Variants in PUS10 observed in about 807,000 individuals in gnomAD.
PUS10 encodes the protein tRNA pseudouridine synthase Pus10.
PUS10 carries 59 observed loss-of-function variants against 75.0 expected under a neutral mutation model. That is an observed-to-expected ratio of 0.79 (90% confidence interval 0.64 to 0.98). The LOEUF (loss-of-function observed/expected upper bound fraction) is 0.98, where lower values mean the gene tolerates loss of function less well. Ranked by LOEUF, PUS10 falls within the 50% of genes least tolerant of loss-of-function variation. The probability of loss-of-function intolerance (pLI) is 0.00; values close to 1 mark genes in which losing one functional copy is unlikely to be tolerated. For synonymous variants in PUS10, 219 were observed against 211.6 expected, an observed-to-expected ratio of 1.03 and a Z score of -0.30; for missense variants, 650 against 614.4, an observed-to-expected ratio of 1.06 and a Z score of -0.61.
At chr2:61,003,588 AG>A (rs1299973010) in intron 4 of PUS10, among the ~76,000 whole-genome samples, 1 of 150,064 alleles carries the variant, frequency 6.7e-6, no homozygotes, top group African/African-American at 2.5e-5. Flanking sequence ...CCTGTCACCC[AG>A]GCTAGAGTAC....
intron 16 of PUS10, among the ~76,000 whole-genome samples, chr2:60,947,681 T>C (rs917647542): frequency 1.8e-4 from 27 of 151,194 alleles, no homozygotes; most frequent in Admixed American, 1.8e-3. Context: ...TACAAAAAAT[T>C]AGTCAGGCGT....
At chr2:60,985,555 C>A (rs895211360) in intron 4 of PUS10, among the ~76,000 whole-genome samples, 2 of 151,954 alleles carry the variant, frequency 1.3e-5, no homozygotes, top group African/African-American at 4.8e-5. Flanking sequence ...AGCTGGAGTG[C>A]AGTGGCATGA....
At chr2:61,009,186 G>A (rs1177006380) in intron 2 of PUS10, among the ~76,000 whole-genome samples, 171 bp from the exon 3 acceptor site, 2 of 152,088 alleles carry the variant, frequency 1.3e-5, no homozygotes, top group South Asian at 4.1e-4. Context: ...TGGCTTTTAT[G>A]GAATTTAAAA....
At chr2:60,980,522 G>A (rs1316142515) in intron 4 of PUS10, among the ~76,000 whole-genome samples, 2 of 152,140 alleles carry the variant, frequency 1.3e-5, no homozygotes, top group Non-Finnish European at 2.9e-5. Flanking sequence ...CTGTGGCTAC[G>A]GAACTCTGTG....
chr2:60,962,396 AC>A (rs1296989241), intron 9 of PUS10, among the ~76,000 whole-genome samples: 26 of 152,180 alleles, frequency 1.7e-4, no homozygotes, highest in African/African-American at 6.3e-4. Flanking sequence ...ACGTGGCGAA[AC>A]CCTGTCTCTA....
Position 61,011,748 on chromosome 2 carries a change from AAAAG to A in PUS10, c.126+13_126+16del. The A allele has an allele frequency of 3.3e-6, 5 of 1,504,462 alleles. No homozygotes were observed. Among genetic ancestry groups the A allele is most frequent in the Middle Eastern group, 1.7e-4 (1 of 5,718 alleles). The allele number at this position is 1,504,462 out of a possible 1,614,324, so 93.2% of individuals were successfully genotyped here. A position where few individuals can be genotyped will look rare whatever the true frequency, so the allele number is the denominator to read the frequency against. On this transcript the variant is annotated intron_variant, in intron 2 of 17. Transcript: ENST00000316752. ...CTTCTCTTAATTTGAAAAAAAAAAA[AAAAG>A]AAAAGAAAATACCTTGTATGGAAGT...
At chr2:60,990,606 A>T (rs189471180) in intron 4 of PUS10, among the ~76,000 whole-genome samples, 1 of 152,322 alleles carries the variant, frequency 6.6e-6, no homozygotes, top group East Asian at 1.9e-4. Flanking sequence ...AGGTAATTGC[A>T]ATCCCTGTGG....
chr2:61,009,247 C>T (rs1215989168), intron 2 of PUS10, among the ~76,000 whole-genome samples: 1 of 152,094 alleles, frequency 6.6e-6, no homozygotes, highest in Non-Finnish European at 1.5e-5. Flanking sequence ...AAAAGAGTTC[C>T]ATATATCAGT....
At chr2:60,965,185 T>A (rs1676259647) in intron 7 of PUS10, 82 bp from the exon 8 acceptor site, 1 of 1,388,806 alleles carries the variant, frequency 7.2e-7, no homozygotes, top group African/African-American at 1.4e-5. Flanking sequence ...TCATACAAAA[T>A]GGCTGCTAAA....
intron 5 of PUS10, among the ~76,000 whole-genome samples, 179 bp downstream of exon 5, chr2:60,971,344 A>C (rs1287424398): frequency 6.6e-6 from 1 of 152,200 alleles, no homozygotes; most frequent in Non-Finnish European, 1.5e-5. Context: ...TATGCAAATA[A>C]ACTAATGAAA....
At chr2:61,005,425 C>T (rs1021132315) in intron 4 of PUS10, among the ~76,000 whole-genome samples, 3 of 152,140 alleles carry the variant, frequency 2.0e-5, no homozygotes, top group Admixed American at 6.6e-5. Flanking sequence ...TTCACAGGCT[C>T]TGAGGGTTAG....
intron 4 of PUS10, among the ~76,000 whole-genome samples, chr2:60,981,575 C>A (rs1054071080): frequency 6.6e-6 from 1 of 152,210 alleles, no homozygotes; most frequent in Non-Finnish European, 1.5e-5. Flanking sequence ...AGCCACCGTG[C>A]CTGGCCTAAA....
chr2:61,015,378 T>C (rs1679899275), intron 1 of PUS10, among the ~76,000 whole-genome samples: 1 of 152,102 alleles, frequency 6.6e-6, no homozygotes, highest in Non-Finnish European at 1.5e-5. Flanking sequence ...TGTGCACCTG[T>C]AATCCCTGCT....
At chr2:60,975,034 C>G (rs1864268) in intron 4 of PUS10, among the ~76,000 whole-genome samples, 13,598 of 152,332 alleles carry the variant, frequency 0.089, 738 homozygotes, top group Admixed American at 0.15. Flanking sequence ...TGTTAGTTTA[C>G]TCTGCTAGCT....
intron 16 of PUS10, 68 bp from the exon 17 acceptor site, chr2:60,945,176 C>A (rs1210574664): frequency 1.2e-5 from 11 of 936,144 alleles, no homozygotes; most frequent in Non-Finnish European, 1.7e-5. Context: ...ATTTGACAGG[C>A]AAAAATAATA....
chr2:60,945,179 AAATAAT>A (rs1276811517), intron 16 of PUS10, 71 bp from the exon 17 acceptor site: 2 of 909,770 alleles, frequency 2.2e-6, no homozygotes, highest in African/African-American at 3.3e-5. Flanking sequence ...TGACAGGCAA[AAATAAT>A]AATAAGAGCA....
At chr2:60,980,440 A>G (rs1307989016) in intron 4 of PUS10, among the ~76,000 whole-genome samples, 1 of 152,208 alleles carries the variant, frequency 6.6e-6, no homozygotes, top group Non-Finnish European at 1.5e-5. Flanking sequence ...CAGCACAACC[A>G]TCAGAGGATA....
chr2:60,962,721 C>A (rs2104347490), intron 9 of PUS10, 105 bp downstream of exon 9: 1 of 1,462,296 alleles, frequency 6.8e-7, no homozygotes, highest in East Asian at 2.6e-5. Flanking sequence ...ACAATCCTGG[C>A]CCCTGAAATA....
In PUS10 at chr2:60,944,995, A is replaced by G. The variant is rs1003684269; in HGVS notation, c.1551+14T>C. 6.2e-6 allele frequency: 10 copies of G among 1,600,904 alleles called. No individual in the cohort carries two copies. Among genetic ancestry groups the G allele is most frequent in the African/African-American group, 1.3e-5 (1 of 74,770 alleles). ...TCAATTTGCCAATGTGCATTCCACA[A>G]CAAAATGGTTTACCTCAACATCCAG... On this transcript the variant is annotated intron_variant, in intron 17 of 17. Transcript: ENST00000316752.
Sources: allele counts gnomAD v4.1 joint callset (sites outside exome capture counted in the v4.1 genomes callset), GRCh38; gene constraint gnomAD v4.1.1; transcripts MANE v1.5; gene names NCBI Gene and HGNC (gene_info 2026-07-23, HGNC 2026-07-21).